Variants in PTPRG observed in about 807,000 individuals in gnomAD.
PTPRG encodes the protein receptor-type tyrosine-protein phosphatase gamma.
In PTPRG, 102 loss-of-function variants were observed where a neutral mutation model predicts 165.3. That is an observed-to-expected ratio of 0.62 (90% CI 0.53 to 0.73). PTPRG has a LOEUF of 0.73. PTPRG is among the 30% of genes least tolerant of loss of function. PTPRG has a pLI of 0.00. For synonymous variants in PTPRG, 675 were observed against 669.5 expected (o/e 1.01, Z -0.13); for missense variants, 1,866 against 1,861.4 (o/e 1.00, Z -0.05).
intron 5 of PTPRG, among the ~76,000 whole-genome samples, chr3:62,130,605 A>G (rs577463429): frequency 2.6e-5 from 4 of 152,328 alleles, no homozygotes; most frequent in Non-Finnish European, 4.4e-5. Context: ...TCAATTTGGT[A>G]TGGAATCATT....
intron 8 of PTPRG, among the ~76,000 whole-genome samples, 175 bp downstream of exon 8, chr3:62,168,338 G>A (rs925786614): frequency 6.6e-6 from 1 of 152,162 alleles, no homozygotes; most frequent in Non-Finnish European, 1.5e-5. Flanking sequence ...AATATATTCT[G>A]TTAAATAGGT....
chr3:61,989,006 C>A (rs936253830), intron 2 of PTPRG, among the ~76,000 whole-genome samples: 3 of 152,042 alleles, frequency 2.0e-5, no homozygotes, highest in African/African-American at 7.3e-5. Flanking sequence ...TAACTTTATA[C>A]CTGCATTTTC....
intron 1 of PTPRG, among the ~76,000 whole-genome samples, chr3:61,582,115 G>C (rs1700310358): frequency 6.6e-6 from 1 of 151,776 alleles, no homozygotes. Flanking sequence ...CTACAGACGT[G>C]TACCACCATG....
chr3:61,608,122 A>G (rs1316069696), intron 1 of PTPRG, among the ~76,000 whole-genome samples: 2 of 152,128 alleles, frequency 1.3e-5, no homozygotes, highest in African/African-American at 4.8e-5. Flanking sequence ...GCAACTTGCC[A>G]GGGCAGAAGG....
intron 1 of PTPRG, among the ~76,000 whole-genome samples, chr3:61,574,312 G>C (rs1700127902): frequency 6.6e-6 from 1 of 152,206 alleles, no homozygotes; most frequent in African/African-American, 2.4e-5. Context: ...TGGTTGACAA[G>C]TACTAGTTGG....
intron 1 of PTPRG, among the ~76,000 whole-genome samples, chr3:61,582,993 A>G (rs1700339850): frequency 6.6e-6 from 1 of 152,250 alleles, no homozygotes; most frequent in Non-Finnish European, 1.5e-5. Context: ...CCTGGCTGGT[A>G]TTTTATGTAC....
At chr3:62,143,078 TC>T (rs1383664366) in intron 6 of PTPRG, among the ~76,000 whole-genome samples, 1 of 152,154 alleles carries the variant, frequency 6.6e-6, no homozygotes, top group African/African-American at 2.4e-5. Context: ...CCCGCTCAGA[TC>T]CCTGCCAGGC....
At chr3:61,692,195 G>A (rs898762570) in intron 1 of PTPRG, among the ~76,000 whole-genome samples, 1 of 152,206 alleles carries the variant, frequency 6.6e-6, no homozygotes, top group Non-Finnish European at 1.5e-5. Context: ...TATGTTGCAC[G>A]TAAGTTGCAA....
chr3:61,833,511 A>G (rs573318601), intron 2 of PTPRG, among the ~76,000 whole-genome samples: 2 of 152,266 alleles, frequency 1.3e-5, no homozygotes, highest in African/African-American at 4.8e-5. Context: ...TGAATCCTTT[A>G]TCCCCAGGCA....
chr3:62,101,891 C>T (rs74394212), intron 5 of PTPRG, among the ~76,000 whole-genome samples: 3,927 of 152,262 alleles, frequency 0.026, 154 homozygotes, highest in African/African-American at 0.086. Context: ...CCCATTTTGC[C>T]GTACACAAAT....
At chr3:61,644,844 A>T (rs1051260984) in intron 1 of PTPRG, among the ~76,000 whole-genome samples, 1 of 152,206 alleles carries the variant, frequency 6.6e-6, no homozygotes, top group African/African-American at 2.4e-5. Flanking sequence ...TGTGCCTCCT[A>T]TTTGGAACAG....
chr3:61,653,335 C>T (rs1702413708), intron 1 of PTPRG, among the ~76,000 whole-genome samples: 1 of 151,762 alleles, frequency 6.6e-6, no homozygotes, highest in Non-Finnish European at 1.5e-5. Flanking sequence ...TTTTTTCCAG[C>T]ATGGTTCATA....
chr3:61,765,552 C>T (rs1373953766), intron 2 of PTPRG, among the ~76,000 whole-genome samples: 3 of 152,102 alleles, frequency 2.0e-5, no homozygotes, highest in African/African-American at 7.2e-5. Context: ...TATAGTTACC[C>T]AGTTGTGAAC....
In PTPRG at chr3:62,277,805, T is replaced by C. The variant is rs1702282051; in HGVS notation, c.3765+126T>C. The stretch of plus-strand genomic sequence containing the variant: ...GGGAGGGAATTTAAAATTTTTAAAT[T>C]CTCATCTTGAAGTCTGTGGAGATTC... On this transcript the variant is annotated intron_variant, in intron 26 of 29. Transcript: ENST00000474889. The C allele has an allele frequency of 3.3e-6, 4 of 1,199,952 alleles. No homozygotes were observed. The Admixed American group carries it at 1.0e-4, about 30-fold the overall frequency. The allele number at this position is 1,199,952 out of a possible 1,614,324, so 74.3% of individuals were successfully genotyped here.
At chr3:62,063,561 A>G (rs564240581) in intron 4 of PTPRG, among the ~76,000 whole-genome samples, 23 of 152,354 alleles carry the variant, frequency 1.5e-4, no homozygotes, top group African/African-American at 5.5e-4. Flanking sequence ...ATGGCTAGGT[A>G]GGTGGGAAAT....
At chr3:61,908,512 A>T (rs2038716826) in intron 2 of PTPRG, among the ~76,000 whole-genome samples, 1 of 151,986 alleles carries the variant, frequency 6.6e-6, no homozygotes, top group Non-Finnish European at 1.5e-5. Flanking sequence ...ACAGTTCCAC[A>T]TGTAAGATTT....
At chr3:61,597,729 ATTTC>A (rs1700739948) in intron 1 of PTPRG, among the ~76,000 whole-genome samples, 1 of 152,146 alleles carries the variant, frequency 6.6e-6, no homozygotes, top group Non-Finnish European at 1.5e-5. Flanking sequence ...AAGACCCTGT[ATTTC>A]TTTGACAGAT....
rs566010860 is a variant in PTPRG at position 62,021,617 on chromosome 3, T to G, written c.519+18120T>G. Among the ~76,000 whole-genome samples, 4 of 152,336 alleles carry G rather than the reference T, an allele frequency of 2.6e-5. No homozygotes were observed. The South Asian group carries it at 8.3e-4, about 32-fold the overall frequency. On this transcript the variant is annotated intron_variant, in intron 4 of 29. Coordinates refer to ENST00000474889, the MANE Select transcript of PTPRG (RefSeq NM_002841.4). Reference sequence around the variant, plus strand: ...GAATGTTTCATCTCAAAGTGGAAGTTCTTTGTGTTACAGTGCGCTTGTCTA... The same window carrying G: ...GAATGTTTCATCTCAAAGTGGAAGTGCTTTGTGTTACAGTGCGCTTGTCTA...
At chr3:62,127,948 T>A (rs1703372812) in intron 5 of PTPRG, among the ~76,000 whole-genome samples, 4 of 152,210 alleles carry the variant, frequency 2.6e-5, no homozygotes, top group Admixed American at 1.3e-4. Flanking sequence ...ATCCTTATGG[T>A]GGGCTATTAA....
Sources: gnomAD v4.1 joint callset for allele counts (sites outside exome capture counted in the v4.1 genomes callset) on GRCh38, gnomAD v4.1.1 for gene constraint, MANE v1.5 for transcripts, NCBI Gene and HGNC (gene_info 2026-07-23, HGNC 2026-07-21) for gene names.